BACH2: variants seen among roughly 807,000 people sequenced by gnomAD.
The protein encoded by BACH2 is BACH transcriptional regulator 2.
Under a neutral mutation model 61.8 loss-of-function variants are expected in BACH2, and 5 were observed. That is an observed-to-expected ratio of 0.08 (90% CI 0.04 to 0.17). The LOEUF (loss-of-function observed/expected upper bound fraction) is 0.17, where lower values mean the gene tolerates loss of function less well. Among genes scored for constraint, BACH2 ranks in the 10% least tolerant of loss-of-function variants. The pLI is 1.00. For missense variants in BACH2, 824 were observed against 1,091.1 expected, an observed-to-expected ratio of 0.76 and a Z score of 3.45; for synonymous variants, 446 against 440.1, an observed-to-expected ratio of 1.01 and a Z score of -0.17.
intron 3 of BACH2, among the ~76,000 whole-genome samples, chr6:90,225,368 T>C (rs1051415761): frequency 9.9e-5 from 15 of 152,068 alleles, no homozygotes; most frequent in African/African-American, 2.4e-4. Context: ...GTCTGGATAA[T>C]TGGAGTGATA....
intron 7 of BACH2, among the ~76,000 whole-genome samples, chr6:89,948,533 A>C (rs1240029914): frequency 3.3e-5 from 5 of 152,312 alleles, no homozygotes; most frequent in Admixed American, 6.5e-5. Flanking sequence ...AGGAGAGACA[A>C]AAAACAAAGA....
chr6:90,260,545 A>G (rs887580646), intron 2 of BACH2, among the ~76,000 whole-genome samples: 5 of 152,206 alleles, frequency 3.3e-5, no homozygotes, highest in Admixed American at 2.0e-4. Flanking sequence ...AATTCTGTAC[A>G]TGTCTATTGG....
intron 5 of BACH2, among the ~76,000 whole-genome samples, chr6:90,077,167 GA>G (rs1781508610): frequency 6.6e-6 from 1 of 152,136 alleles, no homozygotes; most frequent in African/African-American, 2.4e-5. Flanking sequence ...ATGCATTTCA[GA>G]ATCTGTCATT....
intron 4 of BACH2, among the ~76,000 whole-genome samples, chr6:90,164,823 T>C (rs1397432933): frequency 1.2e-4 from 18 of 152,162 alleles, no homozygotes; most frequent in Admixed American, 1.1e-3. Context: ...CACATGATTA[T>C]CTCAATAGAT....
At chr6:90,036,889 G>A (rs953919840) in intron 5 of BACH2, among the ~76,000 whole-genome samples, 3 of 152,110 alleles carry the variant, frequency 2.0e-5, no homozygotes, top group Non-Finnish European at 2.9e-5. Context: ...CTCCTCCAAA[G>A]GCAATCAGTG....
rs1554246226 is a variant in BACH2 at position 90,102,839 on chromosome 6, T to TAAAAAA, written c.-161-13731_-161-13730insTTTTTT. On this transcript the variant is annotated intron_variant, in intron 4 of 8. Transcript: ENST00000257749. The stretch of plus-strand genomic sequence containing the variant: ...ATAATAATAATAATAATAATAATAA[T>TAAAAAA]AAAAATAAAAGGACCTTCCATTCAG... Among the ~76,000 whole-genome samples the TAAAAAA allele has an allele frequency of 2.8e-3, 337 of 122,214 alleles. 3 individuals carry two copies. The highest frequency in any genetic ancestry group is 4.3e-3 in the Middle Eastern group (1 of 234). 80.2% of individuals were successfully genotyped at this position (122,214 alleles called of 152,430 possible).
chr6:90,195,441 T>G (rs549600021), intron 4 of BACH2, among the ~76,000 whole-genome samples: 1 of 152,308 alleles, frequency 6.6e-6, no homozygotes, highest in Non-Finnish European at 1.5e-5. Flanking sequence ...CACCTTGGAT[T>G]TTTCTCATTT....
chr6:90,051,128 T>G (rs530686919), intron 5 of BACH2, among the ~76,000 whole-genome samples: 73 of 152,308 alleles, frequency 4.8e-4, no homozygotes, highest in Non-Finnish European at 8.4e-4. Flanking sequence ...CCTGAGCATA[T>G]TAAACAATAC....
At chr6:90,158,217 G>C (rs1393071114) in intron 4 of BACH2, among the ~76,000 whole-genome samples, 1 of 152,170 alleles carries the variant, frequency 6.6e-6, no homozygotes, top group Non-Finnish European at 1.5e-5. Context: ...GTCCATATGA[G>C]TTGTATACAA....
chr6:90,072,917 C>A (rs896502073), intron 5 of BACH2, among the ~76,000 whole-genome samples: 1 of 152,170 alleles, frequency 6.6e-6, no homozygotes, highest in African/African-American at 2.4e-5. Context: ...TGAAAAAACC[C>A]CTGAAATGTA....
In BACH2 at chr6:89,968,640, A is replaced by G. The variant is rs566344232; in HGVS notation, c.244-16778T>C. On this transcript the variant is annotated intron_variant, in intron 6 of 8. Transcript: ENST00000257749. ...TTGCATAAATGTTACTAAATAATCA[A>G]TGCAAAAAATTTACTTGAGCATTCA... Among the ~76,000 whole-genome samples the G allele has an allele frequency of 2.4e-4, 36 of 152,370 alleles. No individual in the cohort carries two copies. The East Asian group carries it at 5.0e-3, about 21-fold the overall frequency.
chr6:90,008,716 C>T lies in BACH2; in HGVS notation c.129G>A (p.Val43=). The part of the protein sequence containing the change: ...KDILCDVTLI[V]ERKEFRAHRA... ...GGTGGGCCCGGAACTCCTTCCTCTCCACGATCAAAGTCACGTCACAGAGAA... is the reference window on the plus strand; with the variant it reads ...GGTGGGCCCGGAACTCCTTCCTCTCTACGATCAAAGTCACGTCACAGAGAA... Residue 43 remains valine (V), a synonymous_variant, in exon 6 of 9, where the codon GTG becomes GTA. Transcript: ENST00000257749. The surrounding 1 kb of genome is among the most constrained non-coding windows in gnomAD (Gnocchi z 4.1). The T allele has an allele frequency of 6.2e-7, 1 of 1,614,234 alleles. No individual in the cohort carries two copies. Among genetic ancestry groups the T allele is most frequent in the Non-Finnish European group, 8.5e-7 (1 of 1,180,038 alleles).
intron 5 of BACH2, among the ~76,000 whole-genome samples, chr6:90,021,299 T>TAAAAAAAAAAAAAAA (rs200724602): frequency 2.0e-4 from 20 of 100,210 alleles, no homozygotes; most frequent in Non-Finnish European, 2.7e-4. Context: ...AGCAAAAAAG[T>TAAAAAAAAAAAAAAA]AAAAAAAAAA....
intron 5 of BACH2, among the ~76,000 whole-genome samples, chr6:90,078,627 A>G (rs371896848): frequency 6.6e-6 from 1 of 152,198 alleles, no homozygotes; most frequent in East Asian, 1.9e-4. Flanking sequence ...ACAAATGACG[A>G]TAACACCAAC....
At chr6:90,002,803 A>T (rs1243335278) in intron 6 of BACH2, among the ~76,000 whole-genome samples, 1 of 152,056 alleles carries the variant, frequency 6.6e-6, no homozygotes, top group African/African-American at 2.4e-5. Flanking sequence ...AAAACTCCCA[A>T]TTCTACCCGA....
At chr6:90,250,066 G>C (rs1299621405) in intron 3 of BACH2, among the ~76,000 whole-genome samples, 1 of 152,188 alleles carries the variant, frequency 6.6e-6, no homozygotes, top group African/African-American at 2.4e-5. Flanking sequence ...CAGTGGAAAG[G>C]TAGTGTTCCA....
chr6:90,111,191 C>A (rs77768759), intron 4 of BACH2, among the ~76,000 whole-genome samples: 1 of 152,104 alleles, frequency 6.6e-6, no homozygotes, highest in African/African-American at 2.4e-5. Flanking sequence ...ATCTTGCGGG[C>A]CCCCAGGAAC....
chr6:90,021,748 TTC>T (rs1465408518), intron 5 of BACH2, among the ~76,000 whole-genome samples: 1 of 152,254 alleles, frequency 6.6e-6, no homozygotes. Context: ...AGACTAAAAC[TTC>T]TTACTTTAAG....
chr6:90,289,166 G>T (rs1433585386), intron 1 of BACH2, among the ~76,000 whole-genome samples: 1 of 152,178 alleles, frequency 6.6e-6, no homozygotes, highest in Non-Finnish European at 1.5e-5. Context: ...AGAGTGAGAT[G>T]ACCTTTATTT....
Sources: gnomAD v4.1 joint callset for allele counts (sites outside exome capture counted in the v4.1 genomes callset) on GRCh38, gnomAD v4.1.1 for gene constraint, Gnocchi (gnomAD v3.1) non-coding constraint, MANE v1.5 for transcripts, NCBI Gene and HGNC (gene_info 2026-07-23, HGNC 2026-07-21) for gene names.